Variants in ANOS1 observed in about 807,000 individuals in gnomAD.
ANOS1 encodes the protein anosmin-1.
Under a neutral mutation model 59.0 loss-of-function variants are expected in ANOS1, and 6 were observed. The observed-to-expected ratio is 0.10, with a 90% CI of 0.06 to 0.20. The LOEUF is 0.20. Among genes scored for constraint, ANOS1 ranks in the 10% least tolerant of loss-of-function variants. ANOS1 has a pLI of 1.00. For missense variants in ANOS1, 433 were observed against 542.3 expected (o/e 0.80, Z 2.00); for synonymous variants, 217 against 223.4 (o/e 0.97, Z 0.25).
intron 1 of ANOS1, among the ~76,000 whole-genome samples, chrX:8,720,803 C>T (rs1020424159): frequency 4.6e-4 from 51 of 111,155 alleles, no homozygotes; most frequent in Middle Eastern, 4.7e-3. Flanking sequence ...GTGTAACACA[C>T]CTGTAGTCCC....
intron 2 of ANOS1, among the ~76,000 whole-genome samples, chrX:8,668,485 CAT>C (rs776371281): frequency 9.9e-5 from 7 of 70,892 alleles, no homozygotes; most frequent in East Asian, 8.3e-4. Flanking sequence ...TATGATAGTC[CAT>C]ATATATATAT....
intron 8 of ANOS1, among the ~76,000 whole-genome samples, chrX:8,561,308 A>T (rs1327817032): frequency 9.0e-6 from 1 of 110,703 alleles, no homozygotes; most frequent in Non-Finnish European, 1.9e-5. Flanking sequence ...ATTTTATTTT[A>T]ATTTTTTTTG....
chrX:8,624,950 A>C (rs1329570754), intron 2 of ANOS1, among the ~76,000 whole-genome samples: 1 of 109,714 alleles, frequency 9.1e-6, no homozygotes. Context: ...TCTACCAAAA[A>C]ATACAAAAAT....
chrX:8,592,211 A>C (rs1466991559), intron 4 of ANOS1, among the ~76,000 whole-genome samples: 10 of 112,037 alleles, frequency 8.9e-5, no homozygotes, highest in Non-Finnish European at 1.1e-4. Context: ...TCACTACTTG[A>C]TATCTCTCAT....
At chrX:8,608,696 A>G (rs1930986875) in intron 3 of ANOS1, among the ~76,000 whole-genome samples, 2 of 111,850 alleles carry the variant, frequency 1.8e-5, no homozygotes, top group Admixed American at 1.9e-4. Flanking sequence ...CCATGTGTCA[A>G]AGAAGAGACC....
At chrX:8,688,023 G>A (rs1000615106) in intron 2 of ANOS1, among the ~76,000 whole-genome samples, 8 of 112,075 alleles carry the variant, frequency 7.1e-5, no homozygotes, top group Non-Finnish European at 7.5e-5. Context: ...TGTGTGATTC[G>A]GGAGACAAGT....
chrX:8,657,778 C>T (rs1263973942), intron 2 of ANOS1, among the ~76,000 whole-genome samples: 1 of 111,557 alleles, frequency 9.0e-6, no homozygotes, highest in Non-Finnish European at 1.9e-5. Context: ...GGACTATGCT[C>T]TTAACCTCAG....
chrX:8,551,904 C>T (rs1929863305), intron 9 of ANOS1, among the ~76,000 whole-genome samples: 1 of 112,326 alleles, frequency 8.9e-6, no homozygotes, highest in Admixed American at 9.4e-5. Context: ...ACCTGGGAGG[C>T]GGAGGTTGCA....
chrX:8,687,447 A>C (rs186016246), intron 2 of ANOS1, among the ~76,000 whole-genome samples: 70 of 109,432 alleles, frequency 6.4e-4, no homozygotes, highest in East Asian at 4.8e-3. Flanking sequence ...TAAATAAATA[A>C]ATACATAAAT....
chrX:8,616,479 G>C (rs1014360466), intron 3 of ANOS1, among the ~76,000 whole-genome samples: 1 of 111,030 alleles, frequency 9.0e-6, no homozygotes, highest in Admixed American at 9.7e-5. Context: ...TGTTCTTTCA[G>C]CCTAGAACTC....
intron 2 of ANOS1, among the ~76,000 whole-genome samples, chrX:8,658,408 T>G (rs73465356): frequency 1.8e-5 from 2 of 112,139 alleles, no homozygotes; most frequent in Non-Finnish European, 3.8e-5. Context: ...ATTTTCAAGC[T>G]GTTAAAATTT....
chrX:8,599,586 C>A (rs768366329), intron 3 of ANOS1, among the ~76,000 whole-genome samples: 2 of 111,956 alleles, frequency 1.8e-5, no homozygotes, highest in African/African-American at 6.5e-5. Context: ...CTGGTAATGC[C>A]TGGGCAACAC....
chrX:8,569,459 G>A lies in ANOS1; in HGVS notation c.1062+1040C>T, dbSNP rs1306062693. Among the ~76,000 whole-genome samples the A allele has an allele frequency of 5.4e-5, 6 of 111,842 alleles. 1 individual carries two copies. In the East Asian group the frequency reaches 1.1e-3, roughly 21 times the overall value. ...AGATAGAGATCATCCTGGCTAACAT[G>A]GTGAAACCCTGTCTCTACTAAAAAT... On this transcript the variant is annotated intron_variant, in intron 7 of 13. Coordinates refer to ENST00000262648, the MANE Select transcript of ANOS1 (RefSeq NM_000216.4).
chrX:8,730,324 A>G (rs896209168), intron 1 of ANOS1, among the ~76,000 whole-genome samples: 3 of 111,963 alleles, frequency 2.7e-5, no homozygotes, highest in African/African-American at 9.7e-5. Flanking sequence ...ATGTCTGGGT[A>G]ATTTCACCAC....
intron 3 of ANOS1, among the ~76,000 whole-genome samples, chrX:8,618,642 T>C (rs1210927099): frequency 8.9e-6 from 1 of 112,408 alleles, no homozygotes; most frequent in African/African-American, 3.2e-5. Flanking sequence ...ACTAAGATCA[T>C]TAAGAATGAG....
chrX:8,696,212 C>T (rs1932683088), intron 2 of ANOS1, among the ~76,000 whole-genome samples: 3 of 111,516 alleles, frequency 2.7e-5, no homozygotes, highest in African/African-American at 9.8e-5. Flanking sequence ...ATTGGTATGC[C>T]CTCTAAGAAG....
chrX:8,679,107 G>A (rs972821784), intron 2 of ANOS1, among the ~76,000 whole-genome samples: 1 of 111,382 alleles, frequency 9.0e-6, no homozygotes, highest in African/African-American at 3.3e-5. Flanking sequence ...TAGGTTCAAG[G>A]GGCCTTTCCA....
At chrX:8,669,819 A>G (rs1279865879) in intron 2 of ANOS1, among the ~76,000 whole-genome samples, 2 of 111,752 alleles carry the variant, frequency 1.8e-5, no homozygotes, top group African/African-American at 6.5e-5. Flanking sequence ...ATGATGTGGT[A>G]GATCAGAAAG....
intron 3 of ANOS1, 77 bp downstream of exon 3, chrX:8,623,531 C>T (rs753732298): frequency 1.4e-4 from 96 of 701,366 alleles, no homozygotes; most frequent in Non-Finnish European, 2.0e-4. Context: ...ATAAGAAGGC[C>T]CATTCATTCC....
Sources: allele counts gnomAD v4.1 joint callset (sites outside exome capture counted in the v4.1 genomes callset), GRCh38; gene constraint gnomAD v4.1.1; transcripts MANE v1.5; gene names NCBI Gene and HGNC (gene_info 2026-07-23, HGNC 2026-07-21).